Variants in COL24A1 observed in about 807,000 individuals in gnomAD.
COL24A1 encodes collagen type XXIV alpha 1 chain, also known as collagen alpha-1(XXIV) chain.
COL24A1 carries 224 observed loss-of-function variants against 253.9 expected under a neutral mutation model. The observed-to-expected ratio is 0.88, with a 90% confidence interval of 0.79 to 0.99. COL24A1 has a LOEUF of 0.99. Among genes scored for constraint, COL24A1 ranks in the 50% least tolerant of loss-of-function variants. The pLI is 0.00. For missense variants in COL24A1, 2,131 were observed against 2,068.5 expected (o/e 1.03, Z -0.59); for synonymous variants, 685 against 673.7 (o/e 1.02, Z -0.26).
At chr1:85,819,500 A>T (rs542233015) in intron 45 of COL24A1, among the ~76,000 whole-genome samples, 1 of 152,148 alleles carries the variant, frequency 6.6e-6, no homozygotes, top group South Asian at 2.1e-4. Flanking sequence ...AAATAGTCCA[A>T]TGAAACTCAT....
At chr1:85,747,827 C>T (rs1331269750) in intron 55 of COL24A1, among the ~76,000 whole-genome samples, 3 of 152,100 alleles carry the variant, frequency 2.0e-5, no homozygotes, top group Non-Finnish European at 4.4e-5. Flanking sequence ...AAACTGAACC[C>T]ACCTCAATGA....
At chr1:86,069,460 T>C (rs562163013) in intron 7 of COL24A1, among the ~76,000 whole-genome samples, 3 of 152,200 alleles carry the variant, frequency 2.0e-5, no homozygotes, top group African/African-American at 4.8e-5. Context: ...GCAGGTAAGT[T>C]GCTAATGTCT....
chr1:85,777,556 C>A (rs2101486681), intron 52 of COL24A1, among the ~76,000 whole-genome samples: 1 of 152,170 alleles, frequency 6.6e-6, no homozygotes, highest in Non-Finnish European at 1.5e-5. Flanking sequence ...CTTACTCAAT[C>A]ATTCCTTTAG....
At position 85,911,383 on chromosome 1, in the gene COL24A1, T is replaced by C. The variant is rs750500175; in HGVS notation, c.2613A>G (p.Glu871=). Residue 871 remains glutamate, a synonymous_variant, in exon 25 of 60, where the codon GAA becomes GAG. Coordinates refer to ENST00000370571, the MANE Select transcript of COL24A1 (RefSeq NM_152890.7). ...AAAATAATTCTTAAAAAATTACCTT[T>C]TCGCCAATGCTTCCAGTCATCCCAA... The part of the protein sequence containing the change: ...GEVGMTGSIG[E]KGERGSPGPL... 1 of 1,611,316 alleles carries C rather than the reference T, an allele frequency of 6.2e-7. No homozygotes were observed. Among genetic ancestry groups the C allele is most frequent in the South Asian group, 1.1e-5 (1 of 90,622 alleles).
intron 5 of COL24A1, among the ~76,000 whole-genome samples, chr1:86,105,323 C>T (rs1218021195): frequency 2.6e-5 from 4 of 152,134 alleles, no homozygotes; most frequent in East Asian, 1.9e-4. Context: ...CAAAGCAATA[C>T]GGGGAGTGGC....
At chr1:85,907,721 T>C (rs1029507464) in intron 27 of COL24A1, among the ~76,000 whole-genome samples, 1 of 151,872 alleles carries the variant, frequency 6.6e-6, no homozygotes, top group South Asian at 2.1e-4. Flanking sequence ...TACTATGCTA[T>C]AAAAATAGCC....
At chr1:86,013,561 C>T (rs1280085477) in intron 19 of COL24A1, among the ~76,000 whole-genome samples, 10 of 152,188 alleles carry the variant, frequency 6.6e-5, no homozygotes, top group African/African-American at 2.4e-4. Flanking sequence ...CTGGGCCAGA[C>T]ATGGTGGCTC....
intron 43 of COL24A1, among the ~76,000 whole-genome samples, chr1:85,830,099 T>C (rs1485921111): frequency 1.3e-5 from 2 of 152,076 alleles, no homozygotes; most frequent in Non-Finnish European, 2.9e-5. Flanking sequence ...AGATGGGTTT[T>C]CGGTGTGGAT....
At chr1:85,887,563 T>C (rs754039431) in intron 32 of COL24A1, among the ~76,000 whole-genome samples, 5 of 152,130 alleles carry the variant, frequency 3.3e-5, no homozygotes, top group Admixed American at 3.3e-4. Flanking sequence ...TTTGCTGTTA[T>C]AGTATGAAAG....
At position 85,786,213 on chromosome 1, in the gene COL24A1, C is replaced by T. The variant is rs935503889; in HGVS notation, c.4059+141G>A. On this transcript the variant is annotated intron_variant, in intron 48 of 59. Transcript: ENST00000370571. ...TGGATATGTCAAAACTACATACTTT[C>T]TCTTTTCCTAACGTGCTTTTACTAT... 1.5e-5 allele frequency: 9 copies of T among 612,710 alleles called. No homozygotes were observed. The Admixed American group carries it at 2.7e-4, about 18-fold the overall frequency. 38.0% of individuals were successfully genotyped at this position (612,710 alleles called of 1,614,324 possible).
chr1:85,972,410 C>T (rs1692259073), intron 20 of COL24A1, among the ~76,000 whole-genome samples: 1 of 152,026 alleles, frequency 6.6e-6, no homozygotes, highest in Non-Finnish European at 1.5e-5. Context: ...GTTTAAAAGT[C>T]TATAATATAG....
At chr1:86,123,243 T>C (rs1647661918) in intron 3 of COL24A1, among the ~76,000 whole-genome samples, 1 of 151,934 alleles carries the variant, frequency 6.6e-6, no homozygotes, top group Non-Finnish European at 1.5e-5. Flanking sequence ...ATCTTACCCA[T>C]TCTTAGAGCC....
At chr1:85,946,013 C>A (rs1689290084) in intron 24 of COL24A1, among the ~76,000 whole-genome samples, 1 of 152,058 alleles carries the variant, frequency 6.6e-6, no homozygotes, top group African/African-American at 2.4e-5. Flanking sequence ...GGGGACAGTT[C>A]CCAGCATTTC....
chr1:86,126,168 T>C lies in COL24A1; in HGVS notation c.168A>G (p.Arg56=). ...HQLGLGGKDV[R]HSSPATAVPS... ...GTACAGCAGTCGCTGGTGATGAGTG[T>C]CTTACGTCTTTGCCTCCAAGGCCTA... Residue 56 remains arginine (R), a synonymous_variant, in exon 3 of 60, where the codon AGA becomes AGG. Coordinates refer to ENST00000370571, the MANE Select transcript of COL24A1 (RefSeq NM_152890.7). The C allele has an allele frequency of 6.2e-7, 1 of 1,606,568 alleles. No homozygotes were observed. The highest frequency in any genetic ancestry group is 2.2e-5 in the East Asian group (1 of 44,832).
intron 24 of COL24A1, among the ~76,000 whole-genome samples, chr1:85,947,758 T>G (rs1450156633): frequency 2.0e-5 from 3 of 152,206 alleles, no homozygotes; most frequent in African/African-American, 7.2e-5. Flanking sequence ...TAATAACTAT[T>G]TGTAATTTTT....
intron 28 of COL24A1, among the ~76,000 whole-genome samples, chr1:85,899,576 G>A (rs1194200235): frequency 2.0e-5 from 3 of 152,168 alleles, no homozygotes; most frequent in African/African-American, 7.2e-5. Context: ...GTCATTCTAA[G>A]TTTACGTGGT....
At chr1:85,766,590 T>C (rs1405705150) in intron 53 of COL24A1, among the ~76,000 whole-genome samples, 1 of 151,924 alleles carries the variant, frequency 6.6e-6, no homozygotes, top group Non-Finnish European at 1.5e-5. Flanking sequence ...CAATGTTAAA[T>C]TACAGAAGAC....
rs563599176 is a variant in COL24A1, at chr1:86,124,285, T to TTTAA, written c.1491+556_1491+559dup. ...TCTTTTTGTGTTAGGCAAGGGGAGC[T>TTTAA]TTAATTAACCCATAAACATAAATTG... On this transcript the variant is annotated intron_variant, in intron 3 of 59. Coordinates refer to ENST00000370571, the MANE Select transcript of COL24A1 (RefSeq NM_152890.7). 8.5e-5 allele frequency among the ~76,000 whole-genome samples: 13 copies of TTTAA among 152,070 alleles called. No individual in the cohort carries two copies. The South Asian group carries it at 2.5e-3, about 29-fold the overall frequency.
At chr1:85,864,404 AG>A (rs1453092909) in intron 37 of COL24A1, among the ~76,000 whole-genome samples, 4 of 104,938 alleles carry the variant, frequency 3.8e-5, no homozygotes, top group Non-Finnish European at 8.0e-5. Context: ...GGGATGGGGG[AG>A]GGGGGAGGGA....
Sources: allele counts gnomAD v4.1 joint callset (sites outside exome capture counted in the v4.1 genomes callset), GRCh38; gene constraint gnomAD v4.1.1; transcripts MANE v1.5; gene names NCBI Gene and HGNC (gene_info 2026-07-23, HGNC 2026-07-21).